CAND1: variants seen among roughly 807,000 people sequenced by gnomAD.
CAND1 encodes cullin associated and neddylation dissociated 1, also known as cullin-associated NEDD8-dissociated protein 1.
CAND1 carries 7 observed loss-of-function variants against 108.5 expected under a neutral mutation model. The observed-to-expected ratio is 0.06, with a 90% CI of 0.04 to 0.12. The LOEUF (loss-of-function observed/expected upper bound fraction) is 0.12, where lower values mean the gene tolerates loss of function less well. Among genes scored for constraint, CAND1 ranks in the 10% least tolerant of loss-of-function variants. CAND1 has a pLI of 1.00. For synonymous variants in CAND1, 534 were observed against 512.0 expected (o/e 1.04, Z -0.58); for missense variants, 941 against 1,448.7 (o/e 0.65, Z 5.69).
chr12:67,304,895 A>G, intron 9 of CAND1, 149 bp downstream of exon 9: 1 of 1,027,366 alleles, frequency 9.7e-7, no homozygotes. Flanking sequence ...ACAATCTTGA[A>G]TACCTGAAGT....
chr12:67,304,147 G>A (rs552975718), intron 8 of CAND1, among the ~76,000 whole-genome samples: 57 of 151,588 alleles, frequency 3.8e-4, no homozygotes, highest in African/African-American at 1.3e-3. Flanking sequence ...GCACCACCAC[G>A]CCCAGCTAAT....
At chr12:67,270,627 T>C (rs1446500432) in intron 1 of CAND1, 1 of 152,202 alleles carries the variant, frequency 6.6e-6, no homozygotes, top group East Asian at 1.9e-4. Context: ...ATCGGTACTG[T>C]TGGTTCCAAA....
At chr12:67,312,428 TAAAAG>T (rs967005006) in intron 14 of CAND1, among the ~76,000 whole-genome samples, 173 bp from the exon 15 acceptor site, 3 of 152,090 alleles carry the variant, frequency 2.0e-5, no homozygotes, top group South Asian at 2.1e-4. Flanking sequence ...AATATTCCCT[TAAAAG>T]AAAAGGAGAC....
intron 2 of CAND1, among the ~76,000 whole-genome samples, chr12:67,284,002 T>G: frequency 6.6e-6 from 1 of 152,104 alleles, no homozygotes. Flanking sequence ...AAAATCCCAA[T>G]AGATTATTAA....
intron 1 of CAND1, among the ~76,000 whole-genome samples, chr12:67,271,341 G>GT (rs1276520577): frequency 6.6e-6 from 1 of 152,132 alleles, no homozygotes; most frequent in Non-Finnish European, 1.5e-5. Context: ...GATGAGGTGT[G>GT]TGGCGTGATT....
At chr12:67,299,159 C>T (rs1370696869) in intron 7 of CAND1, 64 bp downstream of exon 7, 13 of 1,403,546 alleles carry the variant, frequency 9.3e-6, no homozygotes, top group African/African-American at 1.5e-5. Flanking sequence ...GGAGATGATT[C>T]TTAGTCCAAA....
intron 6 of CAND1, among the ~76,000 whole-genome samples, chr12:67,298,329 A>C (rs2136010514): frequency 6.6e-6 from 1 of 151,938 alleles, no homozygotes; most frequent in African/African-American, 2.4e-5. Flanking sequence ...ATACAAGATA[A>C]GTAACATTAT....
intron 1 of CAND1, among the ~76,000 whole-genome samples, chr12:67,280,387 A>G (rs1366701136): frequency 6.6e-6 from 1 of 152,232 alleles, no homozygotes; most frequent in Non-Finnish European, 1.5e-5. Flanking sequence ...TTTACCACAC[A>G]GTTTATTTCC....
At chr12:67,309,864 A>G (rs1232082838) in intron 11 of CAND1, 37 bp from the exon 12 acceptor site, 3 of 1,446,076 alleles carry the variant, frequency 2.1e-6, no homozygotes, top group East Asian at 2.3e-5. Flanking sequence ...TTTTAAGTTT[A>G]TCATGTCTGT....
chr12:67,278,480 A>G (rs920476988), intron 1 of CAND1, among the ~76,000 whole-genome samples: 1 of 150,904 alleles, frequency 6.6e-6, no homozygotes, highest in African/African-American at 2.4e-5. Context: ...TCCTGACACA[A>G]CCCGCAGTTC....
At chr12:67,303,492 T>C (rs538862313) in intron 8 of CAND1, among the ~76,000 whole-genome samples, 1 of 152,328 alleles carries the variant, frequency 6.6e-6, no homozygotes, top group South Asian at 2.1e-4. Context: ...AAGTCAGGTA[T>C]TGCTCAGTAG....
At chr12:67,281,872 T>G in intron 1 of CAND1, 38 bp from the exon 2 acceptor site, 1 of 1,454,700 alleles carries the variant, frequency 6.9e-7, no homozygotes, top group Non-Finnish European at 9.3e-7. Context: ...ATTAATGCTT[T>G]AAAATTTTCA....
At chr12:67,273,959 GT>G (rs1486971846) in intron 1 of CAND1, among the ~76,000 whole-genome samples, 5 of 152,178 alleles carry the variant, frequency 3.3e-5, no homozygotes, top group African/African-American at 9.7e-5. Flanking sequence ...CTCGTTTACA[GT>G]TGAAGAAACT....
chr12:67,278,706 A>G lies in CAND1; in HGVS notation c.69-3204A>G, dbSNP rs566610189. 3.3e-5 allele frequency among the ~76,000 whole-genome samples: 5 copies of G among 151,662 alleles called. 1 individual carries two copies. The highest frequency in any genetic ancestry group is 1.2e-4 in the African/African-American group (5 of 41,292). Reference sequence around the variant, plus strand: ...GCTAATTTTTGTAATTTTAGTAGAGACAGGGTTTCACCATGTTGGCCAGGC... The same window carrying G: ...GCTAATTTTTGTAATTTTAGTAGAGGCAGGGTTTCACCATGTTGGCCAGGC... On this transcript the variant is annotated intron_variant, in intron 1 of 14. Transcript: ENST00000545606.
intron 2 of CAND1, among the ~76,000 whole-genome samples, chr12:67,292,321 T>C (rs566590898): frequency 1.3e-5 from 2 of 152,212 alleles, no homozygotes; most frequent in African/African-American, 4.8e-5. Context: ...AAATAAAAAA[T>C]AAGTTTTCTG....
intron 1 of CAND1, among the ~76,000 whole-genome samples, chr12:67,275,859 A>G (rs1246422777): frequency 1.3e-5 from 2 of 152,186 alleles, no homozygotes; most frequent in African/African-American, 4.8e-5. Context: ...TTGTTGAATA[A>G]AGGAATGAGA....
chr12:67,297,838 A>T lies in CAND1; in HGVS notation c.839A>T (p.Glu280Val). 6.3e-7 allele frequency: 1 copy of T among 1,580,814 alleles called. No individual in the cohort carries two copies. Among genetic ancestry groups the T allele is most frequent in the South Asian group, 1.2e-5 (1 of 85,802 alleles). ...AGAGAGTACTGTATTCAAGCCTTTG[A>T]ATCATTTGTAAGAAGGTAAGTTTTT... ...ELREYCIQAF[E>V]SFVRRCPKEV... is the part of the protein sequence containing the mutation. The change falls in exon 6 of 15, where the codon GAA becomes GTA. Residue 280 changes from glutamate to valine, a missense_variant. This residue lies in a region of CAND1 where 697 missense variants were observed against 942.0 expected (regional missense o/e 0.74). Transcript: ENST00000545606.
Position 67,302,538 on chromosome 12 carries a change from C to T in CAND1, c.1216C>T (p.Arg406Cys). ...ATACCTTTCTCTTTTGAAGCAAACT[C>T]GTCCTGTACAAAGTTGGCTATGTGA... ...HAYLSLLKQT[R>C]PVQSWLCDPD... The change falls in exon 8 of 15, where the codon CGT becomes TGT. Residue 406 changes from arginine to cysteine, a missense_variant. Arg to Cys is a radical substitution (Grantham distance 180). This residue lies in a region of CAND1 where 697 missense variants were observed against 942.0 expected (regional missense o/e 0.74). Transcript: ENST00000545606. 1 of 1,614,108 alleles carries T rather than the reference C, an allele frequency of 6.2e-7. No homozygotes were observed. Among genetic ancestry groups the T allele is most frequent in the Non-Finnish European group, 8.5e-7 (1 of 1,179,940 alleles).
chr12:67,306,213 A>G lies in CAND1; in HGVS notation c.2545A>G (p.Ile849Val), dbSNP rs755697165. The G allele has an allele frequency of 9.9e-5, 159 of 1,614,020 alleles. No homozygotes were observed. The highest frequency in any genetic ancestry group is 3.5e-4 in the Admixed American group (21 of 59,994). ...LLSLGEVGHH[I>V]DLSGQLELKS... ...TTCTCTTGGAGAAGTTGGGCATCATATTGACTTAAGTGGACAGTTGGAACT... is the reference window on the plus strand; with the variant it reads ...TTCTCTTGGAGAAGTTGGGCATCATGTTGACTTAAGTGGACAGTTGGAACT... The change falls in exon 10 of 15, where the codon ATT becomes GTT. Residue 849 changes from isoleucine (I) to valine (V), a missense_variant. Ile to Val is a conservative substitution (Grantham distance 29). Around this residue, in one of 9 missense-constraint regions of CAND1, gnomAD observed 697 missense variants for 942.0 expected, o/e 0.74. Transcript: ENST00000545606.
Sources: gnomAD v4.1 joint callset for allele counts (sites outside exome capture counted in the v4.1 genomes callset) on GRCh38, gnomAD v4.1.1 for gene constraint, gnomAD v4.1.1 regional missense constraint, MANE v1.5 for transcripts, NCBI Gene and HGNC (gene_info 2026-07-23, HGNC 2026-07-21) for gene names.